MBOAT2: variants seen among roughly 807,000 people sequenced by gnomAD.
MBOAT2 encodes membrane bound glycerophospholipid O-acyltransferase 2.
In MBOAT2, 28 loss-of-function variants were observed where a neutral mutation model predicts 63.4. That is an observed-to-expected ratio of 0.44 (90% CI 0.33 to 0.61). The LOEUF (loss-of-function observed/expected upper bound fraction) is 0.61. Among genes scored for constraint, MBOAT2 ranks in the 20% least tolerant of loss-of-function variants. The probability of loss-of-function intolerance (pLI) is 0.03; values close to 1 mark genes in which losing one functional copy is unlikely to be tolerated. For missense variants in MBOAT2, 470 were observed against 605.8 expected (o/e 0.78, Z 2.35); for synonymous variants, 211 against 215.6 (o/e 0.98, Z 0.19).
intron 7 of MBOAT2, among the ~76,000 whole-genome samples, chr2:8,875,597 G>A (rs753453522): frequency 3.9e-5 from 6 of 152,188 alleles, no homozygotes; most frequent in Admixed American, 6.5e-5. Flanking sequence ...GTGATGTGCC[G>A]AAATGATGAG....
intron 4 of MBOAT2, among the ~76,000 whole-genome samples, chr2:8,904,460 C>T (rs1432225346): frequency 6.6e-6 from 1 of 151,896 alleles, no homozygotes; most frequent in Non-Finnish European, 1.5e-5. Flanking sequence ...TACAGGCACA[C>T]AGCACCATGC....
At chr2:8,926,716 A>ATCT (rs1573071113) in intron 3 of MBOAT2, among the ~76,000 whole-genome samples, 2 of 152,232 alleles carry the variant, frequency 1.3e-5, no homozygotes, top group East Asian at 3.8e-4. Context: ...ATGGTCAGAC[A>ATCT]GATACTGTAA....
chr2:8,986,565 T>TA (rs143944201), intron 1 of MBOAT2, among the ~76,000 whole-genome samples: 14,093 of 145,294 alleles, frequency 0.097, 843 homozygotes, highest in Middle Eastern at 0.19. Context: ...ATTCTGTCTT[T>TA]AAAAAAAAAA....
At chr2:8,959,849 C>T (rs1669490810) in intron 1 of MBOAT2, among the ~76,000 whole-genome samples, 1 of 152,104 alleles carries the variant, frequency 6.6e-6, no homozygotes, top group Admixed American at 6.5e-5. Flanking sequence ...AGGAAAAAAT[C>T]CATTGACATT....
intron 3 of MBOAT2, among the ~76,000 whole-genome samples, chr2:8,923,385 C>T (rs1221850607): frequency 1.3e-5 from 2 of 152,156 alleles, no homozygotes; most frequent in Non-Finnish European, 2.9e-5. Flanking sequence ...TCAGGAGACA[C>T]CACCTGAGAC....
chr2:8,911,344 T>C (rs1273925917), intron 3 of MBOAT2, among the ~76,000 whole-genome samples: 1 of 152,162 alleles, frequency 6.6e-6, no homozygotes, highest in African/African-American at 2.4e-5. Flanking sequence ...GGGTAAACTT[T>C]CATGTAGGAT....
Position 8,943,268 on chromosome 2 carries a change from T to C in MBOAT2, c.222-4A>G, listed in dbSNP as rs1310836026. The C allele has an allele frequency of 1.9e-6, 3 of 1,546,046 alleles. No homozygotes were observed. The highest frequency in any genetic ancestry group is 1.8e-5 in the Admixed American group (1 of 55,240). On this transcript the variant is annotated splice_polypyrimidine_tract_variant and splice_region_variant and intron_variant, in intron 2 of 12. Coordinates refer to ENST00000305997, the MANE Select transcript of MBOAT2 (RefSeq NM_138799.4). ...TACAAGAAAGTGTAAGGCATACCTA[T>C]AAAAAGTAAGAGCACTATTAGAAGA...
intron 7 of MBOAT2, among the ~76,000 whole-genome samples, chr2:8,875,495 T>C (rs938592335): frequency 6.6e-6 from 1 of 152,228 alleles, no homozygotes; most frequent in African/African-American, 2.4e-5. Flanking sequence ...TATTTTCAAG[T>C]ATTTTACAAA....
intron 2 of MBOAT2, among the ~76,000 whole-genome samples, chr2:8,945,266 C>T (rs188367688): frequency 1.2e-3 from 188 of 152,262 alleles, no homozygotes; most frequent in African/African-American, 3.5e-3. Context: ...TCTCACTGAC[C>T]TCCACAACAA....
intron 6 of MBOAT2, among the ~76,000 whole-genome samples, chr2:8,878,653 A>G (rs989008651): frequency 1.3e-5 from 2 of 152,230 alleles, no homozygotes; most frequent in Non-Finnish European, 2.9e-5. Context: ...AGCTTAGCAT[A>G]TATTATTTTT....
At chr2:8,869,823 A>G (rs1475416929) in intron 8 of MBOAT2, among the ~76,000 whole-genome samples, 1 of 152,188 alleles carries the variant, frequency 6.6e-6, no homozygotes, top group East Asian at 1.9e-4. Flanking sequence ...TCCCTCCCTC[A>G]TGGTTGCCAA....
intron 6 of MBOAT2, among the ~76,000 whole-genome samples, chr2:8,878,246 A>T (rs2148532742): frequency 1.3e-5 from 2 of 152,278 alleles, no homozygotes; most frequent in South Asian, 4.1e-4. Context: ...TAACAGTGAA[A>T]ATGGGTAGTT....
intron 8 of MBOAT2, 122 bp from the exon 9 acceptor site, chr2:8,868,671 T>TA: frequency 2.5e-6 from 2 of 789,232 alleles, no homozygotes; most frequent in Admixed American, 5.8e-5. Context: ...TTTATTCTGA[T>TA]TTTTAAGTCA....
chr2:8,985,185 A>T (rs1671474079), intron 1 of MBOAT2, among the ~76,000 whole-genome samples: 1 of 150,110 alleles, frequency 6.7e-6, no homozygotes, highest in African/African-American at 2.4e-5. Context: ...ATTAGCTGAG[A>T]GTTAGGTCAG....
chr2:8,930,956 C>CT (rs919385636), intron 3 of MBOAT2, among the ~76,000 whole-genome samples: 2 of 152,012 alleles, frequency 1.3e-5, no homozygotes, highest in South Asian at 2.1e-4. Flanking sequence ...AAGCCTGCAG[C>CT]TTTTTTTTCT....
chr2:8,881,567 C>T (rs1663141007), intron 6 of MBOAT2, among the ~76,000 whole-genome samples: 1 of 152,072 alleles, frequency 6.6e-6, no homozygotes, highest in Non-Finnish European at 1.5e-5. Context: ...ATGTGAGAGG[C>T]ACAGGGGAAA....
At chr2:8,894,476 C>T (rs1664276486) in intron 4 of MBOAT2, among the ~76,000 whole-genome samples, 1 of 152,226 alleles carries the variant, frequency 6.6e-6, no homozygotes, top group Non-Finnish European at 1.5e-5. Flanking sequence ...ACCCTATTTA[C>T]AACACAGTTG....
chr2:8,972,676 AAAAC>A (rs1485507767), intron 1 of MBOAT2, among the ~76,000 whole-genome samples: 2 of 152,200 alleles, frequency 1.3e-5, no homozygotes, highest in African/African-American at 2.4e-5. Flanking sequence ...TTACAAGAAA[AAAAC>A]AAACAACCCC....
rs184634145 is a variant in MBOAT2 at position 8,952,620 on chromosome 2, G to A, written c.221+5877C>T. ...TCCAATGTTGCACATGTACACACTA[G>A]GATAGTTAAATCTTCTTGAGTTGAA... is the stretch of plus-strand genomic sequence containing the variant. On this transcript the variant is annotated intron_variant, in intron 2 of 12. Transcript: ENST00000305997. Among the ~76,000 whole-genome samples, 9 of 152,186 alleles carry A rather than the reference G, an allele frequency of 5.9e-5. No homozygotes were observed. In the East Asian group the frequency reaches 1.7e-3, roughly 29 times the overall value.
Sources: gnomAD v4.1 joint callset for allele counts (sites outside exome capture counted in the v4.1 genomes callset) on GRCh38, gnomAD v4.1.1 for gene constraint, MANE v1.5 for transcripts, NCBI Gene and HGNC (gene_info 2026-07-23, HGNC 2026-07-21) for gene names.